The following OARD1 variants were observed in gnomAD, a reference collection of about 807,000 sequenced individuals.
The protein encoded by OARD1 is ADP-ribose glycohydrolase OARD1.
OARD1 carries 19 observed loss-of-function variants against 19.7 expected under a neutral mutation model. The ratio of observed to expected loss-of-function variants is 0.96; its 90% CI spans 0.67 to 1.41. The LOEUF (loss-of-function observed/expected upper bound fraction) is 1.41. OARD1 is among the 40% of genes most tolerant of loss of function. The pLI is 0.00. For synonymous variants in OARD1, 70 were observed against 61.8 expected, an observed-to-expected ratio of 1.13 and a Z score of -0.62; for missense variants, 190 against 183.8, an observed-to-expected ratio of 1.03 and a Z score of -0.20.
At chr6:41,094,009 T>C (rs570698850) in intron 1 of OARD1, among the ~76,000 whole-genome samples, 44 of 152,306 alleles carry the variant, frequency 2.9e-4, no homozygotes, top group African/African-American at 1.0e-3. Flanking sequence ...GGTGTCAGAG[T>C]GAAACCCTGT....
rs1215404499 is a variant in OARD1 at position 41,066,454 on chromosome 6, A to G, written c.*881T>C. ...GAGGAAGTGGCCTTTATTTTTTTAA[A>G]GAAGACTCATAAGGATTTTTGACAA... On this transcript the variant is annotated 3_prime_UTR_variant, in exon 6 of 6. Transcript: ENST00000424266. 6.6e-6 allele frequency: 1 copy of G among 152,162 alleles called. No individual in the cohort carries two copies. Among genetic ancestry groups the G allele is most frequent in the East Asian group, 1.9e-4 (1 of 5,202 alleles). 9.4% of individuals were successfully genotyped at this position (152,162 alleles called of 1,614,324 possible).
At chr6:41,071,497 A>T in intron 2 of OARD1, 99 bp downstream of exon 2, 1 of 1,165,434 alleles carries the variant, frequency 8.6e-7, no homozygotes, top group Non-Finnish European at 1.3e-6. Flanking sequence ...GAGAGAAAAA[A>T]AGATAATGCA....
At chr6:41,091,178 C>A (rs565523325) in intron 1 of OARD1, among the ~76,000 whole-genome samples, 1 of 152,338 alleles carries the variant, frequency 6.6e-6, no homozygotes, top group East Asian at 1.9e-4. Flanking sequence ...GTTTTAAAAT[C>A]TCTGTCCTGA....
At chr6:41,090,433 A>G in intron 1 of OARD1, 1 of 581,194 alleles carries the variant, frequency 1.7e-6, no homozygotes, top group Non-Finnish European at 3.1e-6. Flanking sequence ...AAAAAAAAAA[A>G]AGATTTCCTC....
At chr6:41,073,939 C>T (rs150446273), upstream of OARD1, among the ~76,000 whole-genome samples, 37 of 152,336 alleles carry the variant, frequency 2.4e-4, no homozygotes, top group African/African-American at 8.4e-4. Flanking sequence ...GTTTCTTGTC[C>T]GGGCTGTAAG....
Position 41,068,898 on chromosome 6 carries a change from A to C in OARD1, c.299T>G (p.Leu100Ter), listed in dbSNP as rs754480314. 1.2e-6 allele frequency: 2 copies of C among 1,610,818 alleles called. No individual in the cohort carries two copies. Among genetic ancestry groups the C allele is most frequent in the Non-Finnish European group, 1.7e-6 (2 of 1,178,342 alleles). Residue 100 changes from leucine (L) to a stop codon, truncating the protein, a stop_gained, in exon 5 of 6, where the codon TTA becomes TGA. Coordinates refer to ENST00000424266, the MANE Select transcript of OARD1 (RefSeq NM_001329686.2). LOFTEE classifies it high-confidence loss of function. ...CAGACAATGAGACTTCATTGCCTCT[A>C]AACTCTTCTGTAAGTTTTCATAAGT... ...KPTYENLQKSLEAMKSHCLKN... is the reference protein window; with the variant it reads ...KPTYENLQKS
At chr6:41,090,420 GA>G in intron 1 of OARD1, 1 of 555,974 alleles carries the variant, frequency 1.8e-6, no homozygotes, top group Non-Finnish European at 3.3e-6. Context: ...ATATTTTTTG[GA>G]CAAAAAAAAA....
intron 1 of OARD1, among the ~76,000 whole-genome samples, chr6:41,084,768 G>C (rs1449367764): frequency 1.3e-5 from 2 of 152,196 alleles, no homozygotes; most frequent in Non-Finnish European, 2.9e-5. Flanking sequence ...TTCAAGACCA[G>C]CCTGGCCAAC....
chr6:41,091,524 A>G, intron 1 of OARD1: 5 of 1,612,428 alleles, frequency 3.1e-6, no homozygotes, highest in Non-Finnish European at 4.2e-6. Flanking sequence ...TTGTTTTCTT[A>G]AAGTTACAGT....
intron 1 of OARD1, chr6:41,094,486 C>T (rs753986397): frequency 3.1e-6 from 5 of 1,613,166 alleles, no homozygotes; most frequent in Non-Finnish European, 4.2e-6. Context: ...AAAGGATAGT[C>T]CCCATATGCA....
At chr6:41,090,105 C>A in intron 1 of OARD1, 1 of 783,248 alleles carries the variant, frequency 1.3e-6, no homozygotes, top group Non-Finnish European at 2.1e-6. Flanking sequence ...CAGAGTGAGA[C>A]TCTGTCTCAA....
chr6:41,083,122 T>C (rs1001372165), intron 1 of OARD1, among the ~76,000 whole-genome samples: 4 of 152,230 alleles, frequency 2.6e-5, no homozygotes, highest in African/African-American at 7.2e-5. Context: ...TTTGGACTAT[T>C]CCATGGATCA....
chr6:41,065,833 G>A lies in OARD1; in HGVS notation c.*1502C>T, dbSNP rs986870952. The A allele has an allele frequency of 6.6e-6, 1 of 152,204 alleles. No homozygotes were observed. The highest frequency in any genetic ancestry group is 2.1e-4 in the South Asian group (1 of 4,826). The allele number at this position is 152,204 out of a possible 1,614,324, so 9.4% of individuals were successfully genotyped here. ...TCTTTTATACTTGGGAAAGCAGCAAGTCCTGTGACAGACCCAAAGTCACTC... is the reference window on the plus strand; with the variant it reads ...TCTTTTATACTTGGGAAAGCAGCAAATCCTGTGACAGACCCAAAGTCACTC... On this transcript the variant is annotated 3_prime_UTR_variant, in exon 6 of 6. Coordinates refer to ENST00000424266, the MANE Select transcript of OARD1 (RefSeq NM_001329686.2).
intron 1 of OARD1, among the ~76,000 whole-genome samples, chr6:41,089,323 A>C (rs1448982025): frequency 6.6e-6 from 1 of 152,162 alleles, no homozygotes; most frequent in Non-Finnish European, 1.5e-5. Flanking sequence ...CAATATATAT[A>C]ATCATACCAC....
chr6:41,069,635 A>C (rs1763217566), intron 4 of OARD1: 1 of 218,554 alleles, frequency 4.6e-6, no homozygotes, highest in South Asian at 6.2e-5. Flanking sequence ...GGAGCTAAGT[A>C]TTATTTGGGA....
At chr6:41,096,864 G>A (rs911665670) in intron 1 of OARD1, among the ~76,000 whole-genome samples, 5 of 152,326 alleles carry the variant, frequency 3.3e-5, no homozygotes, top group South Asian at 4.1e-4. Context: ...CCTAGTCCAC[G>A]CAAATCACTT....
chr6:41,080,918 CTG>C, intron 1 of OARD1: 1 of 1,585,186 alleles, frequency 6.3e-7, no homozygotes, highest in South Asian at 1.1e-5. Context: ...CTCTGATTCT[CTG>C]TGAGCACTGC....
At position 41,065,614 on chromosome 6, in the gene OARD1, C is replaced by A. The variant is rs2114036827; in HGVS notation, c.*1721G>T. ...TCTAAAAGTTTGATAATGAACTTGACCCTCCACTGCCCCTACCCCAACAAC... is the reference window on the plus strand; with the variant it reads ...TCTAAAAGTTTGATAATGAACTTGAACCTCCACTGCCCCTACCCCAACAAC... On this transcript the variant is annotated 3_prime_UTR_variant, in exon 6 of 6. Transcript: ENST00000424266. The A allele has an allele frequency of 1.3e-5, 2 of 152,290 alleles. No homozygotes were observed. Among genetic ancestry groups the A allele is most frequent in the South Asian group, 4.1e-4 (2 of 4,822 alleles). The allele number at this position is 152,290 out of a possible 1,614,324, so 9.4% of individuals were successfully genotyped here.
At position 41,069,328 on chromosome 6, in the gene OARD1, T is replaced by A. The variant is rs564906896; in HGVS notation, c.244-375A>T. Reference sequence around the variant, plus strand: ...GAAAGCATACCACCTGAAAATTCCCTGCTAAAAGCCTCTACTTATTTAGAA... The same window carrying A: ...GAAAGCATACCACCTGAAAATTCCCAGCTAAAAGCCTCTACTTATTTAGAA... On this transcript the variant is annotated intron_variant, in intron 4 of 5. Coordinates refer to ENST00000424266, the MANE Select transcript of OARD1 (RefSeq NM_001329686.2). The A allele has an allele frequency of 2.8e-4, 45 of 158,224 alleles. No homozygotes were observed. The South Asian group carries it at 2.9e-3, about 10-fold the overall frequency. The allele number at this position is 158,224 out of a possible 1,614,324, so 9.8% of individuals were successfully genotyped here. A position where few individuals can be genotyped will look rare whatever the true frequency, so the allele number is the denominator to read the frequency against.
Sources: gnomAD v4.1 joint callset for allele counts (sites outside exome capture counted in the v4.1 genomes callset) on GRCh38, gnomAD v4.1.1 for gene constraint, MANE v1.5 for transcripts, NCBI Gene and HGNC (gene_info 2026-07-23, HGNC 2026-07-21) for gene names.